SNX29: variants seen among roughly 807,000 people sequenced by gnomAD.
SNX29 encodes the protein sorting nexin-29.
In SNX29, 78 loss-of-function variants were observed where a neutral mutation model predicts 102.1. That is an observed-to-expected ratio of 0.76 (90% confidence interval 0.64 to 0.92). SNX29 has a LOEUF of 0.92. Among genes scored for constraint, SNX29 ranks in the 40% least tolerant of loss-of-function variants. SNX29 has a pLI of 0.00. For synonymous variants in SNX29, 580 were observed against 414.5 expected (o/e 1.40, Z -4.85); for missense variants, 1,280 against 1,061.7 (o/e 1.21, Z -2.86).
At chr16:12,550,335 G>C (rs1310974732) in intron 20 of SNX29, among the ~76,000 whole-genome samples, 1 of 152,122 alleles carries the variant, frequency 6.6e-6, no homozygotes, top group East Asian at 1.9e-4. Context: ...TCGAGTGTGA[G>C]ACCAGCCTAG....
chr16:12,536,399 A>G (rs925454643), intron 20 of SNX29, among the ~76,000 whole-genome samples: 1 of 151,962 alleles, frequency 6.6e-6, no homozygotes, highest in Admixed American at 6.6e-5. Context: ...TAAAGGTACA[A>G]GCAGAATGGC....
intron 13 of SNX29, among the ~76,000 whole-genome samples, chr16:12,192,120 A>G (rs1243981600): frequency 1.3e-5 from 2 of 151,976 alleles, no homozygotes; most frequent in Non-Finnish European, 2.9e-5. Flanking sequence ...CTGGTTGTTT[A>G]CTCTGACATT....
Position 12,574,154 on chromosome 16 carries a change from T to A in SNX29, c.*5525T>A, listed in dbSNP as rs1289776391. 1 of 181,266 alleles carries A rather than the reference T, an allele frequency of 5.5e-6. No individual in the cohort carries two copies. Among genetic ancestry groups the A allele is most frequent in the South Asian group, 2.0e-4 (1 of 5,076 alleles). The allele number at this position is 181,266 out of a possible 1,614,324, so 11.2% of individuals were successfully genotyped here. On this transcript the variant is annotated 3_prime_UTR_variant, in exon 21 of 21. Coordinates refer to ENST00000566228, the MANE Select transcript of SNX29 (RefSeq NM_032167.5). ...ATAATAGGATTTTTAAACAAATGTGTTTAATTTTTTAAGATCTCTTGTATT... is the reference window on the plus strand; with the variant it reads ...ATAATAGGATTTTTAAACAAATGTGATTAATTTTTTAAGATCTCTTGTATT...
intron 20 of SNX29, chr16:12,527,396 A>T (rs1177760343): frequency 1.2e-5 from 6 of 489,252 alleles, no homozygotes; most frequent in Non-Finnish European, 2.0e-5. Context: ...TAAGGAAATA[A>T]ACCCCCAAAG....
chr16:12,498,095 A>G (rs761225399), intron 19 of SNX29, among the ~76,000 whole-genome samples: 1 of 152,214 alleles, frequency 6.6e-6, no homozygotes, highest in African/African-American at 2.4e-5. Flanking sequence ...AGGTGCCACC[A>G]GAATTGAGTC....
chr16:12,554,574 A>C (rs1430786124), intron 20 of SNX29, among the ~76,000 whole-genome samples: 1 of 152,168 alleles, frequency 6.6e-6, no homozygotes. Flanking sequence ...CTTAAAGCTG[A>C]CACCAAGACT....
chr16:12,052,237 A>G lies in SNX29; in HGVS notation c.1124+15A>G. 6.2e-7 allele frequency: 1 copy of G among 1,613,470 alleles called. No individual in the cohort carries two copies. ...TCGCCCGAGAAGTAAGTTTGTGTGT[A>G]AGGTGGAGTCTCACCGTCCCCCAGG... On this transcript the variant is annotated intron_variant, in intron 8 of 20. Coordinates refer to ENST00000566228, the MANE Select transcript of SNX29 (RefSeq NM_032167.5).
rs1330304584 is a variant in SNX29, at chr16:12,129,659, T to C, written c.1496T>C (p.Met499Thr). The change falls in exon 13 of 21, where the codon ATG becomes ACG. Residue 499 changes from methionine (M) to threonine (T), a missense_variant. Met to Thr is a moderately conservative substitution (Grantham distance 81). Transcript: ENST00000566228. Reference sequence around the variant, plus strand: ...CTGCGAAACCTGCTCGACGGTGAGATGGAGCACTCAGCCGCGCTCCGGCAA... The same window carrying C: ...CTGCGAAACCTGCTCGACGGTGAGACGGAGCACTCAGCCGCGCTCCGGCAA... ...RSLRNLLDGE[M>T]EHSAALRQEV... 1 of 1,611,154 alleles carries C rather than the reference T, an allele frequency of 6.2e-7. No individual in the cohort carries two copies. Among genetic ancestry groups the C allele is most frequent in the Non-Finnish European group, 8.5e-7 (1 of 1,179,570 alleles).
chr16:12,456,360 G>T (rs1051371495), intron 18 of SNX29, among the ~76,000 whole-genome samples: 1 of 152,156 alleles, frequency 6.6e-6, no homozygotes, highest in Non-Finnish European at 1.5e-5. Context: ...TCAACCTATG[G>T]CATCAATAAA....
intron 14 of SNX29, among the ~76,000 whole-genome samples, chr16:12,257,254 G>C (rs2078601232): frequency 6.6e-6 from 1 of 152,136 alleles, no homozygotes; most frequent in Non-Finnish European, 1.5e-5. Context: ...CCGACTTCCT[G>C]TTCTCCTGCT....
intron 15 of SNX29, among the ~76,000 whole-genome samples, chr16:12,342,053 T>C (rs941858219): frequency 6.6e-6 from 1 of 152,134 alleles, no homozygotes; most frequent in African/African-American, 2.4e-5. Flanking sequence ...TTCTGGGAGG[T>C]AGATGTGGTC....
intron 11 of SNX29, among the ~76,000 whole-genome samples, chr16:12,079,405 A>T (rs1372165921): frequency 6.6e-6 from 1 of 152,164 alleles, no homozygotes; most frequent in African/African-American, 2.4e-5. Context: ...CAAAGAATAA[A>T]CCAACTGTTA....
intron 14 of SNX29, among the ~76,000 whole-genome samples, chr16:12,219,535 T>A (rs1448155593): frequency 2.6e-5 from 4 of 152,220 alleles, no homozygotes; most frequent in African/African-American, 9.6e-5. Flanking sequence ...AAGGCAGTTG[T>A]TGTGTAGAAA....
At chr16:12,533,367 C>G (rs1436637832) in intron 20 of SNX29, among the ~76,000 whole-genome samples, 1 of 152,148 alleles carries the variant, frequency 6.6e-6, no homozygotes, top group African/African-American at 2.4e-5. Context: ...TGCTAAGAGG[C>G]TGTTTGAGGT....
intron 11 of SNX29, among the ~76,000 whole-genome samples, chr16:12,085,546 C>T (rs977252798): frequency 2.0e-5 from 3 of 152,200 alleles, no homozygotes; most frequent in African/African-American, 4.8e-5. Context: ...AGGCTGGTCT[C>T]AAACTCCTGA....
intron 13 of SNX29, among the ~76,000 whole-genome samples, chr16:12,173,244 G>A (rs747245008): frequency 7.2e-5 from 11 of 152,140 alleles, no homozygotes; most frequent in Non-Finnish European, 1.2e-4. Flanking sequence ...TCCAACAGGC[G>A]GTTCCAACAG....
intron 20 of SNX29, among the ~76,000 whole-genome samples, chr16:12,537,290 C>A (rs763251317): frequency 1.3e-5 from 2 of 152,172 alleles, no homozygotes; most frequent in Non-Finnish European, 2.9e-5. Flanking sequence ...TAGTGTGGTA[C>A]ATGTTTGGAT....
intron 18 of SNX29, among the ~76,000 whole-genome samples, chr16:12,410,982 A>C (rs765627234): frequency 6.6e-6 from 1 of 152,088 alleles, no homozygotes; most frequent in Non-Finnish European, 1.5e-5. Context: ...CTCTGTCTTT[A>C]TGCTTGCTTC....
intron 14 of SNX29, among the ~76,000 whole-genome samples, chr16:12,228,140 C>T (rs759540943): frequency 6.6e-6 from 1 of 152,128 alleles, no homozygotes; most frequent in African/African-American, 2.4e-5. Context: ...CAGACCTTAC[C>T]GTCTCAGAGT....
Sources: gnomAD v4.1 joint callset for allele counts (sites outside exome capture counted in the v4.1 genomes callset) on GRCh38, gnomAD v4.1.1 for gene constraint, MANE v1.5 for transcripts, NCBI Gene and HGNC (gene_info 2026-07-23, HGNC 2026-07-21) for gene names.